ASAP2: variants seen among roughly 807,000 people sequenced by gnomAD.
The protein encoded by ASAP2 is arf-GAP with SH3 domain, ANK repeat and PH domain-containing protein 2.
A neutral mutation model predicts 131.4 loss-of-function variants in ASAP2; 45 were observed. That is an observed-to-expected ratio of 0.34 (90% CI 0.27 to 0.44). ASAP2 has a LOEUF of 0.44. Ranked by LOEUF, ASAP2 falls within the 20% of genes least tolerant of loss-of-function variation. The pLI is 1.00. For missense variants in ASAP2, 1,011 were observed against 1,297.0 expected, an observed-to-expected ratio of 0.78 and a Z score of 3.39; for synonymous variants, 510 against 503.0, an observed-to-expected ratio of 1.01 and a Z score of -0.19.
At chr2:9,228,066 A>C (rs187954691) in intron 1 of ASAP2, among the ~76,000 whole-genome samples, 11 of 152,354 alleles carry the variant, frequency 7.2e-5, no homozygotes, top group African/African-American at 2.6e-4. Context: ...GAGTGTATCT[A>C]TAATTATAAT....
chr2:9,214,482 C>T (rs1225686057), intron 1 of ASAP2, among the ~76,000 whole-genome samples: 2 of 152,104 alleles, frequency 1.3e-5, no homozygotes, highest in Admixed American at 6.5e-5. Context: ...TCAGGTGATC[C>T]GCCCACCTCG....
intron 22 of ASAP2, among the ~76,000 whole-genome samples, chr2:9,390,337 C>T (rs1317245680): frequency 6.6e-6 from 1 of 152,204 alleles, no homozygotes; most frequent in Admixed American, 6.5e-5. Context: ...TCGAAGGCTT[C>T]CTCTGGACCC....
intron 1 of ASAP2, among the ~76,000 whole-genome samples, chr2:9,234,732 G>A (rs938692522): frequency 6.6e-6 from 1 of 152,158 alleles, no homozygotes; most frequent in Non-Finnish European, 1.5e-5. Context: ...ATTGAGCTGG[G>A]GGCAGGTGGA....
At chr2:9,334,127 A>C (rs1459156615) in intron 7 of ASAP2, among the ~76,000 whole-genome samples, 5 of 131,236 alleles carry the variant, frequency 3.8e-5, no homozygotes, top group African/African-American at 1.5e-4. Flanking sequence ...GCTCACTGCA[A>C]CCTCCACCTC....
At chr2:9,296,383 T>C (rs1039375533) in intron 2 of ASAP2, among the ~76,000 whole-genome samples, 1 of 152,166 alleles carries the variant, frequency 6.6e-6, no homozygotes, top group African/African-American at 2.4e-5. Context: ...CGGTGGTGTC[T>C]AGAGTTTGGT....
chr2:9,242,225 C>T (rs994743451), intron 1 of ASAP2, among the ~76,000 whole-genome samples: 4 of 152,160 alleles, frequency 2.6e-5, no homozygotes, highest in Non-Finnish European at 5.9e-5. Context: ...CATGCTTTGG[C>T]GGTTTACAGA....
At chr2:9,274,948 G>A (rs1041892369) in intron 1 of ASAP2, among the ~76,000 whole-genome samples, 4 of 152,142 alleles carry the variant, frequency 2.6e-5, no homozygotes, top group South Asian at 2.1e-4. Context: ...AGGGACGGGT[G>A]TGTCCCATGA....
chr2:9,254,109 G>A lies in ASAP2; in HGVS notation c.127-25208G>A, dbSNP rs1347596051. On this transcript the variant is annotated intron_variant, in intron 1 of 27. Coordinates refer to ENST00000281419, the MANE Select transcript of ASAP2 (RefSeq NM_003887.3). ...TAGTCCCAGTTACTCAGGAGGCTGA[G>A]GCAGGAGAATTGCTTGAAGCCAGGA... 2.0e-5 allele frequency among the ~76,000 whole-genome samples: 3 copies of A among 147,060 alleles called. No individual in the cohort carries two copies. The Admixed American group carries it at 2.1e-4, about 10-fold the overall frequency.
At chr2:9,229,699 T>C (rs1298049630) in intron 1 of ASAP2, among the ~76,000 whole-genome samples, 1 of 152,030 alleles carries the variant, frequency 6.6e-6, no homozygotes, top group Non-Finnish European at 1.5e-5. Flanking sequence ...AGGGAATTGG[T>C]TGAGTAAGTG....
intron 24 of ASAP2, among the ~76,000 whole-genome samples, chr2:9,396,084 G>A (rs1676127523): frequency 6.6e-6 from 1 of 152,134 alleles, no homozygotes; most frequent in Non-Finnish European, 1.5e-5. Context: ...CAGCGGCTAA[G>A]GCTACTCAGA....
intron 1 of ASAP2, among the ~76,000 whole-genome samples, chr2:9,214,050 A>G (rs986335845): frequency 3.9e-5 from 6 of 152,152 alleles, no homozygotes; most frequent in African/African-American, 1.4e-4. Context: ...GGTGATACTT[A>G]TGGGCATTGT....
At chr2:9,393,728 C>A in intron 24 of ASAP2, 81 bp downstream of exon 24, 1 of 1,407,990 alleles carries the variant, frequency 7.1e-7, no homozygotes. Flanking sequence ...GGAATGTTTG[C>A]AATCCCCAGG....
At position 9,400,841 on chromosome 2, in the gene ASAP2, AG is replaced by A; in HGVS notation, c.2823+12del. The A allele has an allele frequency of 1.2e-6, 2 of 1,611,532 alleles. No homozygotes were observed. The highest frequency in any genetic ancestry group is 1.7e-6 in the Non-Finnish European group (2 of 1,178,482). On this transcript the variant is annotated intron_variant, in intron 26 of 27. Transcript: ENST00000281419. ...AGGAAGTCGCAGGCAGTAAGTGACG[AG>A]CCCCCTTTCCTGCCTCTCTGCTCTA... is the stretch of plus-strand genomic sequence containing the variant.
intron 1 of ASAP2, among the ~76,000 whole-genome samples, chr2:9,262,791 G>A (rs1353680505): frequency 2.6e-5 from 4 of 152,224 alleles, no homozygotes; most frequent in Non-Finnish European, 5.9e-5. Context: ...TGGGACAGAA[G>A]CCCCAGCACA....
chr2:9,222,376 C>T (rs982333246), intron 1 of ASAP2, among the ~76,000 whole-genome samples: 4 of 152,182 alleles, frequency 2.6e-5, no homozygotes, highest in African/African-American at 4.8e-5. Flanking sequence ...TGTCTGGCCA[C>T]GGTGCTTGGT....
intron 2 of ASAP2, among the ~76,000 whole-genome samples, chr2:9,283,433 C>T (rs575032433): frequency 6.6e-6 from 1 of 152,162 alleles, no homozygotes; most frequent in East Asian, 1.9e-4. Context: ...ATGGGAAACC[C>T]GACATGGGTC....
chr2:9,251,214 C>T lies in ASAP2; in HGVS notation c.127-28103C>T, dbSNP rs530309156. Among the ~76,000 whole-genome samples, 12 of 152,294 alleles carry T rather than the reference C, an allele frequency of 7.9e-5. No individual in the cohort carries two copies. In the South Asian group the frequency reaches 1.5e-3, roughly 18 times the overall value. Reference sequence around the variant, plus strand: ...GCGTTGTCACATCAGGAGTTTAGTCCGCAAGTAGAGGTGGGCCCTGTGGCT... The same window carrying T: ...GCGTTGTCACATCAGGAGTTTAGTCTGCAAGTAGAGGTGGGCCCTGTGGCT... On this transcript the variant is annotated intron_variant, in intron 1 of 27. Coordinates refer to ENST00000281419, the MANE Select transcript of ASAP2 (RefSeq NM_003887.3).
chr2:9,320,355 T>C lies in ASAP2; in HGVS notation c.470+18T>C, dbSNP rs1670075457. ...ACAAAAATGTGAGTGTTCTCGTTTT[T>C]AAATTTACGTATAGGTAATTTGGGA... On this transcript the variant is annotated intron_variant, in intron 5 of 27. Transcript: ENST00000281419. 7 of 1,598,504 alleles carry C rather than the reference T, an allele frequency of 4.4e-6. No homozygotes were observed. The highest frequency in any genetic ancestry group is 1.3e-5 in the African/African-American group (1 of 74,500).
intron 11 of ASAP2, among the ~76,000 whole-genome samples, chr2:9,349,618 T>C (rs1672201025): frequency 6.6e-6 from 1 of 152,236 alleles, no homozygotes; most frequent in African/African-American, 2.4e-5. Flanking sequence ...AATATCTGAC[T>C]AACCTGTAGA....
Sources: gnomAD v4.1 joint callset for allele counts (sites outside exome capture counted in the v4.1 genomes callset) on GRCh38, gnomAD v4.1.1 for gene constraint, MANE v1.5 for transcripts, NCBI Gene and HGNC (gene_info 2026-07-23, HGNC 2026-07-21) for gene names.